Variants in MTMR8 observed in about 807,000 individuals in gnomAD.
The protein encoded by MTMR8 is myotubularin related protein 8, also known as phosphatidylinositol-3,5-bisphosphate 3-phosphatase MTMR8.
Under a neutral mutation model 39.3 loss-of-function variants are expected in MTMR8, and 65 were observed. The ratio of observed to expected loss-of-function variants is 1.65; its 90% CI spans 1.35 to 2.03. The LOEUF (loss-of-function observed/expected upper bound fraction) is 2.03. MTMR8 is among the 30% of genes most tolerant of loss of function. The probability of loss-of-function intolerance (pLI) is 0.00; values close to 1 mark genes in which losing one functional copy is unlikely to be tolerated. For missense variants in MTMR8, 777 were observed against 538.9 expected (o/e 1.44, Z -4.37); for synonymous variants, 245 against 185.2 (o/e 1.32, Z -2.62).
chrX:64,335,035 C>T (rs1429309374), intron 10 of MTMR8, among the ~76,000 whole-genome samples: 1 of 111,473 alleles, frequency 9.0e-6, no homozygotes, highest in African/African-American at 3.3e-5. Flanking sequence ...AATAAATGGA[C>T]CCAAATGGCT....
chrX:64,303,549 C>A (rs928291601), intron 12 of MTMR8, among the ~76,000 whole-genome samples: 10 of 112,220 alleles, frequency 8.9e-5, no homozygotes, highest in African/African-American at 2.6e-4. Context: ...CTGTGGTTCA[C>A]ACAATACTTG....
At chrX:64,278,822 GC>G (rs1238962025) in intron 12 of MTMR8, among the ~76,000 whole-genome samples, 1 of 111,006 alleles carries the variant, frequency 9.0e-6, no homozygotes, top group Admixed American at 9.6e-5. Flanking sequence ...TAAAAGTCAG[GC>G]CCCTCTGTTG....
At chrX:64,378,904 G>C (rs1421814518) in intron 1 of MTMR8, among the ~76,000 whole-genome samples, 1 of 111,767 alleles carries the variant, frequency 8.9e-6, no homozygotes, top group African/African-American at 3.2e-5. Flanking sequence ...GGCTACCTAA[G>C]AAAGAGAGTG....
rs1003270663 is a variant in MTMR8 at position 64,355,061 on chromosome X, C to T, written c.311-127G>A. 22 of 551,224 alleles carry T rather than the reference C, an allele frequency of 4.0e-5. 1 individual carries two copies. The Admixed American group carries it at 1.1e-3, about 26-fold the overall frequency. The allele number at this position is 551,224 out of a possible 1,213,427, so 45.4% of individuals were successfully genotyped here. A position where few individuals can be genotyped will look rare whatever the true frequency, so the allele number is the denominator to read the frequency against. ...TTTGTCAAACAGCCCCAGAAAAGGA[C>T]TGTGGTGTGTGCAAGTTTGCCTTTA... On this transcript the variant is annotated intron_variant, in intron 3 of 13. Coordinates refer to ENST00000374852, the MANE Select transcript of MTMR8 (RefSeq NM_017677.4).
intron 4 of MTMR8, among the ~76,000 whole-genome samples, chrX:64,351,186 G>C (rs1923479208): frequency 9.0e-6 from 1 of 110,712 alleles, no homozygotes; most frequent in African/African-American, 3.3e-5. Context: ...TTCTTTGGGA[G>C]ACTCAGACAC....
chrX:64,361,761 C>A (rs774668080), intron 1 of MTMR8, among the ~76,000 whole-genome samples: 1 of 111,140 alleles, frequency 9.0e-6, no homozygotes, highest in African/African-American at 3.3e-5. Context: ...AATTTAAAAT[C>A]ATGAACACGA....
At chrX:64,365,936 C>CA (rs954206787) in intron 1 of MTMR8, among the ~76,000 whole-genome samples, 8 of 109,385 alleles carry the variant, frequency 7.3e-5, no homozygotes, top group East Asian at 5.7e-4. Flanking sequence ...AAATGGAAAG[C>CA]AAAAAAAAGC....
chrX:64,305,865 T>C (rs1173170140), intron 12 of MTMR8: 6 of 275,800 alleles, frequency 2.2e-5, no homozygotes, highest in Non-Finnish European at 4.0e-5. Flanking sequence ...CTTGGAATGC[T>C]AGCACTTTGG....
chrX:64,297,335 T>A (rs1921649961), intron 12 of MTMR8, among the ~76,000 whole-genome samples: 1 of 110,167 alleles, frequency 9.1e-6, no homozygotes, highest in South Asian at 4.0e-4. Flanking sequence ...TGGCTAGTGA[T>A]GATGAGCATT....
intron 1 of MTMR8, among the ~76,000 whole-genome samples, chrX:64,377,534 G>A (rs1357425781): frequency 4.5e-5 from 5 of 112,358 alleles, no homozygotes; most frequent in Non-Finnish European, 7.5e-5. Context: ...AACTTGCATG[G>A]TGCCTCTTTG....
intron 12 of MTMR8, among the ~76,000 whole-genome samples, chrX:64,292,501 A>T (rs1254194969): frequency 1.8e-5 from 2 of 110,844 alleles, no homozygotes; most frequent in East Asian, 5.8e-4. Flanking sequence ...GATGAGTTGG[A>T]AGGGAAGATC....
At chrX:64,279,670 T>G (rs984075971) in intron 12 of MTMR8, among the ~76,000 whole-genome samples, 1 of 111,803 alleles carries the variant, frequency 8.9e-6, no homozygotes, top group Admixed American at 9.5e-5. Flanking sequence ...GGACCCTGAA[T>G]AGCAAAAACA....
chrX:64,340,736 G>A lies in MTMR8; in HGVS notation c.975+2875C>T, dbSNP rs148379201. Among the ~76,000 whole-genome samples the A allele has an allele frequency of 6.9e-3, 773 of 111,868 alleles. 6 individuals carry two copies. The highest frequency in any genetic ancestry group is 0.022 in the African/African-American group (672 of 30,811). On this transcript the variant is annotated intron_variant, in intron 8 of 13. Coordinates refer to ENST00000374852, the MANE Select transcript of MTMR8 (RefSeq NM_017677.4). ...CGGCAGCAACCATGTTCTTTGTTTA[G>A]GGCTCCAAACAGAGTCAAAAGTCAC...
intron 12 of MTMR8, among the ~76,000 whole-genome samples, chrX:64,302,436 C>G (rs957210572): frequency 8.9e-6 from 1 of 111,989 alleles, no homozygotes; most frequent in Non-Finnish European, 1.9e-5. Context: ...GCGGACGGTG[C>G]GCACACCCAC....
intron 1 of MTMR8, 35 bp from the exon 2 acceptor site, chrX:64,359,562 C>T: frequency 8.6e-7 from 1 of 1,167,250 alleles, no homozygotes; most frequent in Non-Finnish European, 1.2e-6. Flanking sequence ...AATAAGTTAC[C>T]AACTCACCAC....
chrX:64,275,347 G>T (rs1396499499), intron 12 of MTMR8, among the ~76,000 whole-genome samples: 1 of 110,536 alleles, frequency 9.0e-6, no homozygotes, highest in African/African-American at 3.3e-5. Flanking sequence ...GTGGAGGAAG[G>T]AATAATAAAG....
chrX:64,354,204 C>T (rs1468332864), intron 4 of MTMR8, among the ~76,000 whole-genome samples: 1 of 107,199 alleles, frequency 9.3e-6, no homozygotes, highest in Non-Finnish European at 1.9e-5. Context: ...AAAGAGGATC[C>T]TCAACGGGTA....
chrX:64,290,598 C>T (rs1921361832), intron 12 of MTMR8, among the ~76,000 whole-genome samples: 1 of 110,452 alleles, frequency 9.1e-6, no homozygotes, highest in Non-Finnish European at 1.9e-5. Context: ...AGTAGCCACA[C>T]CCACCTCCCC....
chrX:64,302,452 T>G (rs961403152), intron 12 of MTMR8, among the ~76,000 whole-genome samples: 1 of 111,989 alleles, frequency 8.9e-6, no homozygotes, highest in Non-Finnish European at 1.9e-5. Context: ...CCCACTGGCC[T>G]GCGCCCACTG....
Sources: gnomAD v4.1 joint callset for allele counts (sites outside exome capture counted in the v4.1 genomes callset) on GRCh38, gnomAD v4.1.1 for gene constraint, MANE v1.5 for transcripts, NCBI Gene and HGNC (gene_info 2026-07-23, HGNC 2026-07-21) for gene names.